ERBB4: variants seen among roughly 807,000 people sequenced by gnomAD.
The protein encoded by ERBB4 is erb-b2 receptor tyrosine kinase 4, also known as receptor tyrosine-protein kinase erbB-4.
A neutral mutation model predicts 158.0 loss-of-function variants in ERBB4; 42 were observed. The observed-to-expected ratio is 0.27, with a 90% CI of 0.21 to 0.34. The LOEUF is 0.34. ERBB4 is among the 10% of genes least tolerant of loss of function. ERBB4 has a pLI of 1.00. For missense variants in ERBB4, 1,333 were observed against 1,624.1 expected, an observed-to-expected ratio of 0.82 and a Z score of 3.08; for synonymous variants, 583 against 558.7, an observed-to-expected ratio of 1.04 and a Z score of -0.61.
rs189765396 is a variant in ERBB4 at position 212,157,300 on chromosome 2, T to C, written c.83-32397A>G. Among the ~76,000 whole-genome samples, 17 of 152,176 alleles carry C rather than the reference T, an allele frequency of 1.1e-4. No individual in the cohort carries two copies. In the East Asian group the frequency reaches 3.1e-3, roughly 28 times the overall value. On this transcript the variant is annotated intron_variant, in intron 1 of 27. Transcript: ENST00000342788. Reference sequence around the variant, plus strand: ...TGTGGGATGTTATCCCTGGCACCTCTAAGTGGGGTGAGATGGCCTCTCTGA... The same window carrying C: ...TGTGGGATGTTATCCCTGGCACCTCCAAGTGGGGTGAGATGGCCTCTCTGA...
chr2:211,665,149 A>G (rs973848476), intron 15 of ERBB4, among the ~76,000 whole-genome samples, 174 bp downstream of exon 15: 1 of 152,230 alleles, frequency 6.6e-6, no homozygotes, highest in African/African-American at 2.4e-5. Flanking sequence ...TTAAGGGTGT[A>G]CAAAGTTGAT....
At chr2:211,740,930 C>T (rs757932045) in intron 5 of ERBB4, among the ~76,000 whole-genome samples, 3 of 152,216 alleles carry the variant, frequency 2.0e-5, no homozygotes, top group South Asian at 2.1e-4. Context: ...TTTCTTTAAC[C>T]AAATTGATTA....
At chr2:211,680,454 A>G (rs1238481114) in intron 12 of ERBB4, among the ~76,000 whole-genome samples, 1 of 152,238 alleles carries the variant, frequency 6.6e-6, no homozygotes, top group Non-Finnish European at 1.5e-5. Flanking sequence ...AATCAACTTT[A>G]TCTTTCCATT....
At chr2:211,553,266 G>A (rs1396986805) in intron 20 of ERBB4, among the ~76,000 whole-genome samples, 2 of 152,040 alleles carry the variant, frequency 1.3e-5, no homozygotes, top group Non-Finnish European at 2.9e-5. Context: ...ACCACGCCCA[G>A]CCCAATAATA....
intron 1 of ERBB4, among the ~76,000 whole-genome samples, chr2:212,448,913 T>C (rs541464784): frequency 1.3e-5 from 2 of 152,172 alleles, no homozygotes; most frequent in South Asian, 4.1e-4. Context: ...TTGTAGCTTG[T>C]GGTCACTGAG....
At chr2:211,893,524 C>A (rs1162117589) in intron 3 of ERBB4, among the ~76,000 whole-genome samples, 3 of 141,716 alleles carry the variant, frequency 2.1e-5, no homozygotes, top group Non-Finnish European at 4.6e-5. Context: ...TCCAAAACAC[C>A]AAAAGCAATG....
intron 2 of ERBB4, among the ~76,000 whole-genome samples, chr2:212,124,422 C>T (rs557916901): frequency 5.3e-5 from 8 of 152,116 alleles, no homozygotes; most frequent in African/African-American, 1.9e-4. Flanking sequence ...CTAGAGTTAT[C>T]AATTGTTATC....
chr2:212,397,771 G>A (rs1235025041), intron 1 of ERBB4, among the ~76,000 whole-genome samples: 1 of 151,792 alleles, frequency 6.6e-6, no homozygotes, highest in African/African-American at 2.4e-5. Context: ...TTTTCTATCA[G>A]GGCATCTATT....
rs558909113 is a variant in ERBB4 at position 212,504,064 on chromosome 2, T to G, written c.82+34385A>C. Among the ~76,000 whole-genome samples, 560 of 152,330 alleles carry G rather than the reference T, an allele frequency of 3.7e-3. 5 individuals carry two copies. The highest frequency in any genetic ancestry group is 0.013 in the African/African-American group (531 of 41,576). On this transcript the variant is annotated intron_variant, in intron 1 of 27. Transcript: ENST00000342788. ...TTAAATGGATGTATATGGGCCATAG[T>G]TGGCCTGAGACCATAGAGAGACGAG...
At chr2:212,275,535 G>A (rs34685501) in intron 1 of ERBB4, among the ~76,000 whole-genome samples, 10,582 of 151,738 alleles carry the variant, frequency 0.07, 432 homozygotes, top group South Asian at 0.16. Context: ...GATGATGAGC[G>A]TTTTTTCATA....
At chr2:212,025,169 AT>A in intron 2 of ERBB4, among the ~76,000 whole-genome samples, 1 of 151,776 alleles carries the variant, frequency 6.6e-6, no homozygotes, top group South Asian at 2.1e-4. Context: ...AATAAATAGG[AT>A]TTACAGAGTA....
chr2:211,963,024 T>C (rs1367560145), intron 2 of ERBB4, among the ~76,000 whole-genome samples: 1 of 152,194 alleles, frequency 6.6e-6, no homozygotes, highest in East Asian at 1.9e-4. Context: ...TTCTGTGTGC[T>C]TAATATGTTT....
intron 3 of ERBB4, among the ~76,000 whole-genome samples, chr2:211,901,207 T>C (rs1318908112): frequency 6.6e-6 from 1 of 152,184 alleles, no homozygotes; most frequent in African/African-American, 2.4e-5. Flanking sequence ...TCTGTTTTTG[T>C]GAGCCCTGTA....
chr2:211,976,847 T>C (rs2081622579), intron 2 of ERBB4, among the ~76,000 whole-genome samples: 1 of 152,132 alleles, frequency 6.6e-6, no homozygotes, highest in Non-Finnish European at 1.5e-5. Context: ...ATTATGTATA[T>C]ATGACTTACA....
At chr2:212,205,822 A>G (rs980035708) in intron 1 of ERBB4, among the ~76,000 whole-genome samples, 2 of 152,200 alleles carry the variant, frequency 1.3e-5, no homozygotes, top group Admixed American at 6.5e-5. Flanking sequence ...TTTTAAAAGC[A>G]AAATATGTGG....
chr2:212,369,873 G>A (rs944525583), intron 1 of ERBB4, among the ~76,000 whole-genome samples: 7 of 152,028 alleles, frequency 4.6e-5, no homozygotes, highest in South Asian at 2.1e-4. Flanking sequence ...TACTAATTTC[G>A]TTTAAAGCAA....
intron 4 of ERBB4, among the ~76,000 whole-genome samples, chr2:211,782,967 A>G (rs1334981131): frequency 6.6e-6 from 1 of 152,142 alleles, no homozygotes; most frequent in Non-Finnish European, 1.5e-5. Context: ...CTTGGGCAGT[A>G]TGGCCATTTT....
chr2:212,054,760 G>A (rs1419081584), intron 2 of ERBB4, among the ~76,000 whole-genome samples: 3 of 152,192 alleles, frequency 2.0e-5, no homozygotes, highest in African/African-American at 4.8e-5. Context: ...GGCCTCAACT[G>A]TCAGAGAAGG....
At chr2:212,531,886 C>T (rs1294936373) in intron 1 of ERBB4, among the ~76,000 whole-genome samples, 1 of 152,056 alleles carries the variant, frequency 6.6e-6, no homozygotes, top group East Asian at 1.9e-4. Context: ...TAAAAAGTTG[C>T]TTTATTTCTT....
Sources: gnomAD v4.1 joint callset for allele counts (sites outside exome capture counted in the v4.1 genomes callset) on GRCh38, gnomAD v4.1.1 for gene constraint, MANE v1.5 for transcripts, NCBI Gene and HGNC (gene_info 2026-07-23, HGNC 2026-07-21) for gene names.